The following BCO1 variants were observed in gnomAD, a reference collection of about 807,000 sequenced individuals.
BCO1 encodes beta-carotene oxygenase 1.
A neutral mutation model predicts 56.3 loss-of-function variants in BCO1; 54 were observed. The observed-to-expected ratio is 0.96, with a 90% CI of 0.77 to 1.20. The LOEUF (loss-of-function observed/expected upper bound fraction) is 1.20, where lower values mean the gene tolerates loss of function less well. Ranked by LOEUF, BCO1 falls within the 50% of genes most tolerant of loss-of-function variation. The pLI, the probability that BCO1 is intolerant of heterozygous loss-of-function variation, is 0.00. For missense variants in BCO1, 801 were observed against 690.9 expected (o/e 1.16, Z -1.79); for synonymous variants, 318 against 266.1 (o/e 1.20, Z -1.90).
intron 10 of BCO1, among the ~76,000 whole-genome samples, chr16:81,288,044 G>A (rs1908281659): frequency 6.6e-6 from 1 of 152,128 alleles, no homozygotes; most frequent in Non-Finnish European, 1.5e-5. Context: ...ACTGCCTGAT[G>A]TGGCCCAAGG....
intron 2 of BCO1, among the ~76,000 whole-genome samples, chr16:81,247,608 C>T (rs1031422492): frequency 1.4e-4 from 21 of 152,078 alleles, no homozygotes; most frequent in African/African-American, 5.1e-4. Flanking sequence ...CTCACCACAG[C>T]CTCCACTTCC....
Position 81,290,674 on chromosome 16 carries a change from A to T in BCO1, c.*97A>T, listed in dbSNP as rs1908414942. On this transcript the variant is annotated 3_prime_UTR_variant, in exon 11 of 11. Transcript: ENST00000258168. The stretch of plus-strand genomic sequence containing the variant: ...GGGGAGGGCCTTTGTTACCTTTTGC[A>T]CTTATTCTTTCTGTGGGTGCTTTGA... The T allele has an allele frequency of 4.1e-6, 4 of 965,494 alleles. No homozygotes were observed. The South Asian group carries it at 5.9e-5, about 14-fold the overall frequency. The allele number at this position is 965,494 out of a possible 1,614,324, so 59.8% of individuals were successfully genotyped here.
rs896814387 is a variant in BCO1 at position 81,259,731 on chromosome 16, T to C, written c.249T>C (p.Ile83=). Residue 83 remains isoleucine, a synonymous_variant, in exon 3 of 11, where the codon ATT becomes ATC. Transcript: ENST00000258168. ...GAAGCGATACCTACAACACCAATAT[T>C]GAGGCAAACAGGATTGTGGTGTCTG... The part of the protein sequence containing the change: ...YLRSDTYNTN[I]EANRIVVSEF... 1 of 1,614,194 alleles carries C rather than the reference T, an allele frequency of 6.2e-7. No homozygotes were observed. Among genetic ancestry groups the C allele is most frequent in the Admixed American group, 1.7e-5 (1 of 60,016 alleles).
intron 10 of BCO1, among the ~76,000 whole-genome samples, chr16:81,289,557 C>G (rs1908352303): frequency 6.6e-6 from 1 of 152,160 alleles, no homozygotes; most frequent in South Asian, 2.1e-4. Context: ...GGGAGGATAG[C>G]TTGAGCCCAA....
At chr16:81,239,334 T>A (rs976142977) in intron 1 of BCO1, among the ~76,000 whole-genome samples, 1 of 152,152 alleles carries the variant, frequency 6.6e-6, no homozygotes, top group Admixed American at 6.6e-5. Context: ...TGTGTTTAGA[T>A]GGACACTATT....
chr16:81,277,293 G>A (rs577972284), intron 7 of BCO1, among the ~76,000 whole-genome samples: 1 of 152,142 alleles, frequency 6.6e-6, no homozygotes, highest in Non-Finnish European at 1.5e-5. Flanking sequence ...TAGGGGCTGT[G>A]AAGTGCTTTG....
In BCO1 at chr16:81,288,287, G is replaced by C. The variant is rs144046468; in HGVS notation, c.1414+881G>C. On this transcript the variant is annotated intron_variant, in intron 10 of 10. Transcript: ENST00000258168. ...CCCAAACAAATGTTTTTAAGAAATGGAGTCTTGCTCTGTTGCCCAGGCTGG... is the reference window on the plus strand; with the variant it reads ...CCCAAACAAATGTTTTTAAGAAATGCAGTCTTGCTCTGTTGCCCAGGCTGG... 4.5e-3 allele frequency among the ~76,000 whole-genome samples: 688 copies of C among 152,280 alleles called. 2 individuals carry two copies. The highest frequency in any genetic ancestry group is 0.012 in the South Asian group (59 of 4,826).
chr16:81,278,896 T>C (rs1322625685), intron 7 of BCO1, among the ~76,000 whole-genome samples: 1 of 151,758 alleles, frequency 6.6e-6, no homozygotes, highest in Admixed American at 6.6e-5. Flanking sequence ...CGAGGACCCT[T>C]GCGGTTCAGC....
intron 9 of BCO1, among the ~76,000 whole-genome samples, chr16:81,286,702 T>C (rs1329813770): frequency 6.6e-6 from 1 of 151,934 alleles, no homozygotes; most frequent in Non-Finnish European, 1.5e-5. Flanking sequence ...AAAATAATAA[T>C]AAATTTTAAA....
At chr16:81,290,281 T>A (rs552703670) in intron 10 of BCO1, 67 bp from the exon 11 acceptor site, 81 of 1,312,784 alleles carry the variant, frequency 6.2e-5, no homozygotes, top group Non-Finnish European at 8.1e-5. Context: ...AGAGACATGC[T>A]GAGAAATTCA....
intron 10 of BCO1, among the ~76,000 whole-genome samples, chr16:81,287,871 A>G (rs1214881191): frequency 6.6e-6 from 1 of 152,118 alleles, no homozygotes; most frequent in African/African-American, 2.4e-5. Flanking sequence ...CCAGCCAGGA[A>G]GCTCCCCTGA....
rs576109797 is a variant in BCO1, at chr16:81,273,048, C to T, written c.1101+2632C>T. Reference sequence around the variant, plus strand: ...GCAGTGGTTTAATCTCGGCTCACTGCAATCTCCGCCTCCTGGGTTCTAGCG... The same window carrying T: ...GCAGTGGTTTAATCTCGGCTCACTGTAATCTCCGCCTCCTGGGTTCTAGCG... On this transcript the variant is annotated intron_variant, in intron 7 of 10. Transcript: ENST00000258168. 2.4e-4 allele frequency among the ~76,000 whole-genome samples: 36 copies of T among 152,288 alleles called. No homozygotes were observed. In the South Asian group the frequency reaches 3.9e-3, roughly 17 times the overall value.
At chr16:81,288,913 C>T (rs994751821) in intron 10 of BCO1, among the ~76,000 whole-genome samples, 1 of 152,188 alleles carries the variant, frequency 6.6e-6, no homozygotes. Context: ...CTGATCATGG[C>T]ATGGCACGCC....
intron 7 of BCO1, among the ~76,000 whole-genome samples, chr16:81,274,870 C>A (rs535683299): frequency 6.6e-6 from 1 of 151,906 alleles, no homozygotes; most frequent in African/African-American, 2.4e-5. Flanking sequence ...CCACTGCACT[C>A]CAGCATGGGC....
At position 81,248,405 on chromosome 16, in the gene BCO1, C is replaced by CAAAAAAAAA. The variant is rs372084002; in HGVS notation, c.193+2815_193+2823dup. Among the ~76,000 whole-genome samples, 340 of 102,764 alleles carry CAAAAAAAAA rather than the reference C, an allele frequency of 3.3e-3. 15 individuals are homozygous for CAAAAAAAAA. The highest frequency in any genetic ancestry group is 0.012 in the African/African-American group (272 of 23,652). The allele number at this position is 102,764 out of a possible 152,430, so 67.4% of individuals were successfully genotyped here. On this transcript the variant is annotated intron_variant, in intron 2 of 10. Coordinates refer to ENST00000258168, the MANE Select transcript of BCO1 (RefSeq NM_017429.3). ...GCAACAAGAGCGAGGCTCCCTCTCA[C>CAAAAAAAAA]AAAAAAAAAAAAAAAAAAAAATTAT...
In BCO1 at chr16:81,273,639, C is replaced by CTTTT. The variant is rs59815701; in HGVS notation, c.1101+3232_1101+3235dup. Reference sequence around the variant, plus strand: ...CACCTCTACTTAACATTTAAAAATCCTTTTTTTTTTTTCATTTCAATCAAT... The same window carrying CTTTT: ...CACCTCTACTTAACATTTAAAAATCCTTTTTTTTTTTTTTTTCATTTCAATCAAT... On this transcript the variant is annotated intron_variant, in intron 7 of 10. Coordinates refer to ENST00000258168, the MANE Select transcript of BCO1 (RefSeq NM_017429.3). Among the ~76,000 whole-genome samples, 141 of 146,352 alleles carry CTTTT rather than the reference C, an allele frequency of 9.6e-4. 2 individuals are homozygous for CTTTT. The highest frequency in any genetic ancestry group is 3.5e-3 in the Middle Eastern group (1 of 286).
chr16:81,252,687 G>T (rs770455272), intron 2 of BCO1, among the ~76,000 whole-genome samples: 1 of 152,230 alleles, frequency 6.6e-6, no homozygotes, highest in Non-Finnish European at 1.5e-5. Flanking sequence ...GTGGCCTTAA[G>T]TGGGCCTCTG....
chr16:81,289,737 T>C (rs1160349632), intron 10 of BCO1, among the ~76,000 whole-genome samples: 1 of 152,152 alleles, frequency 6.6e-6, no homozygotes, highest in Admixed American at 6.5e-5. Context: ...CAGGAGATAC[T>C]CTCGGCAACC....
chr16:81,261,282 A>G lies in BCO1; in HGVS notation c.324-854A>G, dbSNP rs74029097. 8.9e-3 allele frequency among the ~76,000 whole-genome samples: 1,358 copies of G among 152,264 alleles called. 22 individuals are homozygous for G. The highest frequency in any genetic ancestry group is 0.031 in the African/African-American group (1,307 of 41,552). On this transcript the variant is annotated intron_variant, in intron 3 of 10. Coordinates refer to ENST00000258168, the MANE Select transcript of BCO1 (RefSeq NM_017429.3). ...CAATACACCGATACAGGATTTGCCA[A>G]TTTCATCACCCATAAACCCCTCTGG... is the stretch of plus-strand genomic sequence containing the variant.
Sources: gnomAD v4.1 joint callset for allele counts (sites outside exome capture counted in the v4.1 genomes callset) on GRCh38, gnomAD v4.1.1 for gene constraint, MANE v1.5 for transcripts, NCBI Gene and HGNC (gene_info 2026-07-23, HGNC 2026-07-21) for gene names.